The following ATP13A3 variants were observed in gnomAD, a reference collection of about 807,000 sequenced individuals.
ATP13A3 encodes the protein ATPase 13A3, also known as polyamine-transporting ATPase 13A3.
Under a neutral mutation model 158.1 loss-of-function variants are expected in ATP13A3, and 59 were observed. The ratio of observed to expected loss-of-function variants is 0.37; its 90% confidence interval spans 0.30 to 0.46. The LOEUF (loss-of-function observed/expected upper bound fraction) is 0.46, where lower values mean the gene tolerates loss of function less well. Ranked by LOEUF, ATP13A3 falls within the 20% of genes least tolerant of loss-of-function variation. The probability of loss-of-function intolerance (pLI) is 1.00; values close to 1 mark genes in which losing one functional copy is unlikely to be tolerated. For synonymous variants in ATP13A3, 491 were observed against 504.3 expected (o/e 0.97, Z 0.35); for missense variants, 1,166 against 1,525.2 (o/e 0.76, Z 3.92).
chr3:194,421,137 GTATATATATATATATATA>G (rs1553796331), intron 30 of ATP13A3, among the ~76,000 whole-genome samples: 2 of 7,174 alleles, frequency 2.8e-4, no homozygotes, highest in Non-Finnish European at 3.8e-4. Context: ...TATATATATA[GTATATATATATATATATA>G]TATATATATA....
chr3:194,491,256 T>C (rs1721142264), upstream of ATP13A3, among the ~76,000 whole-genome samples: 1 of 152,114 alleles, frequency 6.6e-6, no homozygotes, highest in Non-Finnish European at 1.5e-5. Context: ...AGTTCACTTA[T>C]CCCAAACTTA....
chr3:194,435,601 A>T (rs1165975278), intron 20 of ATP13A3, among the ~76,000 whole-genome samples: 1 of 152,200 alleles, frequency 6.6e-6, no homozygotes, highest in Non-Finnish European at 1.5e-5. Flanking sequence ...GGATGTCTCA[A>T]GATGACACAC....
intron 2 of ATP13A3, among the ~76,000 whole-genome samples, chr3:194,481,503 T>C (rs1216321858): frequency 6.6e-6 from 1 of 152,122 alleles, no homozygotes; most frequent in African/African-American, 2.4e-5. Context: ...AAAGGATCCT[T>C]TATGCTGTCA....
chr3:194,450,009 A>C, intron 11 of ATP13A3, 136 bp downstream of exon 11: 1 of 939,418 alleles, frequency 1.1e-6, no homozygotes, highest in South Asian at 1.7e-5. Context: ...TCTACTCAGA[A>C]TTTTAAATCT....
intron 2 of ATP13A3, among the ~76,000 whole-genome samples, chr3:194,479,306 C>T (rs1401295724): frequency 6.6e-6 from 1 of 152,166 alleles, no homozygotes; most frequent in African/African-American, 2.4e-5. Flanking sequence ...CTAGGTTAGT[C>T]TAGTCTTTCA....
At chr3:194,422,776 C>A (rs1223720368) in intron 30 of ATP13A3, among the ~76,000 whole-genome samples, 2 of 151,666 alleles carry the variant, frequency 1.3e-5, no homozygotes, top group Non-Finnish European at 2.9e-5. Flanking sequence ...CAATATATAT[C>A]TCTTTGTTCC....
intron 2 of ATP13A3, among the ~76,000 whole-genome samples, chr3:194,482,794 C>T (rs1168476843): frequency 2.0e-5 from 3 of 151,832 alleles, no homozygotes; most frequent in Admixed American, 6.6e-5. Flanking sequence ...GGCAACAAAC[C>T]GAGATACTCA....
At chr3:194,425,551 T>C in intron 29 of ATP13A3, 22 bp from the exon 30 acceptor site, 1 of 1,579,482 alleles carries the variant, frequency 6.3e-7, no homozygotes, top group Non-Finnish European at 8.6e-7. Context: ...GCAAAAAATG[T>C]CTGCATTAGT....
intron 9 of ATP13A3, 49 bp from the exon 10 acceptor site, chr3:194,453,827 TC>T (rs1244285693): frequency 6.9e-7 from 1 of 1,459,308 alleles, no homozygotes. Context: ...AACCCACTCC[TC>T]AGGAAAAAAG....
Position 194,412,306 on chromosome 3 carries a change from G to A in ATP13A3, c.3484-18C>T. ...AAGAAGTTCTGAGAGATATTCCAGT[G>A]AGTTAAGAATTAATAATGACTAAGT... On this transcript the variant is annotated intron_variant, in intron 32 of 33. Coordinates refer to ENST00000645319, the MANE Select transcript of ATP13A3 (RefSeq NM_001367549.1). 1 of 1,522,902 alleles carries A rather than the reference G, an allele frequency of 6.6e-7. No homozygotes were observed. Among genetic ancestry groups the A allele is most frequent in the Non-Finnish European group, 8.8e-7 (1 of 1,134,922 alleles). The allele number at this position is 1,522,902 out of a possible 1,614,324, so 94.3% of individuals were successfully genotyped here. A position where few individuals can be genotyped will look rare whatever the true frequency, so the allele number is the denominator to read the frequency against.
At chr3:194,413,095 C>G (rs866267424) in intron 32 of ATP13A3, 1 of 152,160 alleles carries the variant, frequency 6.6e-6, no homozygotes, top group African/African-American at 2.4e-5. Context: ...GTTCAGAGAG[C>G]AGACAAAAGC....
chr3:194,427,796 TTAAAA>T (rs1164859699), intron 28 of ATP13A3, among the ~76,000 whole-genome samples: 1 of 152,110 alleles, frequency 6.6e-6, no homozygotes, highest in Non-Finnish European at 1.5e-5. Context: ...AAAACTACAG[TTAAAA>T]TAATACACAC....
intron 30 of ATP13A3, among the ~76,000 whole-genome samples, chr3:194,422,422 T>A (rs1716455636): frequency 6.6e-6 from 1 of 152,154 alleles, no homozygotes; most frequent in Admixed American, 6.5e-5. Flanking sequence ...CAGGCCAGGG[T>A]CAAGGGTGTT....
Position 194,450,254 on chromosome 3 carries a change from G to C in ATP13A3, c.861C>G (p.Thr287=). ...CCATGACATCTCCTGGCACAAGGTC[G>C]GTAGAAAAGATTTCTTCTATTTCTG... ...VNEEIEEIFS[T]DLVPGDVMVI... The change falls in exon 11 of 34, where the codon ACC becomes ACG. Residue 287 remains threonine, a synonymous_variant. Transcript: ENST00000645319. 6.2e-7 allele frequency: 1 copy of C among 1,612,076 alleles called. No individual in the cohort carries two copies. The highest frequency in any genetic ancestry group is 8.5e-7 in the Non-Finnish European group (1 of 1,178,452).
intron 24 of ATP13A3, 106 bp from the exon 25 acceptor site, chr3:194,430,421 A>AACTAT: frequency 8.2e-7 from 1 of 1,213,612 alleles, no homozygotes; most frequent in Middle Eastern, 2.7e-4. Flanking sequence ...TAACACACCA[A>AACTAT]GATTCCCCCA....
rs773820460 is a variant in ATP13A3 at position 194,462,162 on chromosome 3, T to A, written c.29A>T (p.Asn10Ile). MDREERKTI[N>I]QGQEDEMEIY... ...TACCATTTCATCTTCTTGACCCTGA[T>A]TGATGGTCTTCCTTTCTTCCCTGTC... The change falls in exon 3 of 34, where the codon AAT becomes ATT. Residue 10 changes from asparagine to isoleucine, a missense_variant. By Grantham distance (149) the Asn-to-Ile change is moderately radical. Around this residue, in one of 3 missense-constraint regions of ATP13A3, gnomAD observed 65 missense variants for 92.4 expected, o/e 0.70. Transcript: ENST00000645319. 44 of 1,614,070 alleles carry A rather than the reference T, an allele frequency of 2.7e-5. No homozygotes were observed. Among genetic ancestry groups the A allele is most frequent in the Non-Finnish European group, 3.6e-5 (42 of 1,179,920 alleles).
chr3:194,444,334 A>G (rs1480229125), intron 15 of ATP13A3, among the ~76,000 whole-genome samples: 1 of 152,260 alleles, frequency 6.6e-6, no homozygotes, highest in Non-Finnish European at 1.5e-5. Context: ...AAGACAGAGC[A>G]GTTAAAATTA....
intron 33 of ATP13A3, among the ~76,000 whole-genome samples, chr3:194,410,685 AT>A (rs1316077399): frequency 6.6e-6 from 1 of 152,122 alleles, no homozygotes; most frequent in Non-Finnish European, 1.5e-5. Flanking sequence ...CAATCCAAAT[AT>A]TTTTAAGGGG....
In ATP13A3 at chr3:194,454,296, T is replaced by C. The variant is rs73889875; in HGVS notation, c.727A>G (p.Ile243Val). The C allele has an allele frequency of 5.5e-4, 881 of 1,608,700 alleles. 6 individuals carry two copies. In the African/African-American group the frequency reaches 0.01, roughly 19 times the overall value. The change falls in exon 9 of 34, where the codon ATA becomes GTA. Residue 243 changes from isoleucine (I) to valine (V), a missense_variant. Coordinates refer to ENST00000645319, the MANE Select transcript of ATP13A3 (RefSeq NM_001367549.1). ...TATAGTGAGCTTACGATTGATACTATGGACATAACCACAATAGCTAGAGCA... is the reference window on the plus strand; with the variant it reads ...TATAGTGAGCTTACGATTGATACTACGGACATAACCACAATAGCTAGAGCA... Reference protein sequence around the residue: ...YYALAIVVMSIVSIVSSLYSI... With the variant: ...YYALAIVVMSVVSIVSSLYSI...
Sources: allele counts gnomAD v4.1 joint callset (sites outside exome capture counted in the v4.1 genomes callset), GRCh38; gene constraint gnomAD v4.1.1; regional missense constraint gnomAD v4.1.1; transcripts MANE v1.5; gene names NCBI Gene and HGNC (gene_info 2026-07-23, HGNC 2026-07-21).